The following TXLNB variants were observed in gnomAD, a reference collection of about 807,000 sequenced individuals.
TXLNB encodes taxilin beta, also known as beta-taxilin.
A neutral mutation model predicts 57.4 loss-of-function variants in TXLNB; 37 were observed. That is an observed-to-expected ratio of 0.64 (90% confidence interval 0.50 to 0.85). The LOEUF (loss-of-function observed/expected upper bound fraction) is 0.85. Among genes scored for constraint, TXLNB ranks in the 40% least tolerant of loss-of-function variants. TXLNB has a pLI of 0.00. For synonymous variants in TXLNB, 302 were observed against 309.6 expected (o/e 0.98, Z 0.26); for missense variants, 848 against 825.6 (o/e 1.03, Z -0.33).
At chr6:139,189,288 G>A in the TXLNB span, among the ~76,000 whole-genome samples, 8 of 152,102 alleles carry the variant, frequency 5.3e-5, no homozygotes, top group Non-Finnish European at 1.0e-4. Flanking sequence ...ATTTGCATTA[G>A]TTGAAAGTTC....
chr6:139,212,119 T>C, the TXLNB span, among the ~76,000 whole-genome samples: 214 of 152,108 alleles, frequency 1.4e-3, 1 homozygote, highest in African/African-American at 4.8e-3. Context: ...ATTCAGGAAA[T>C]ACAGAGAACA....
At chr6:139,168,520 T>C in the TXLNB span, among the ~76,000 whole-genome samples, 30 of 152,102 alleles carry the variant, frequency 2.0e-4, no homozygotes, top group African/African-American at 7.0e-4. Flanking sequence ...GTCAGATTTT[T>C]TTTGGAAAAA....
intron 7 of TXLNB, among the ~76,000 whole-genome samples, chr6:139,249,885 G>A (rs936868660): frequency 6.6e-6 from 1 of 152,146 alleles, no homozygotes; most frequent in Non-Finnish European, 1.5e-5. Flanking sequence ...GATTAAAGAA[G>A]ACAGAGTAAA....
chr6:139,192,135 T>A, the TXLNB span, among the ~76,000 whole-genome samples: 1 of 152,232 alleles, frequency 6.6e-6, no homozygotes, highest in Non-Finnish European at 1.5e-5. Flanking sequence ...GTGAAATAAG[T>A]GGAGGCTGAA....
At chr6:139,159,613 G>T in the TXLNB span, among the ~76,000 whole-genome samples, 3 of 152,166 alleles carry the variant, frequency 2.0e-5, no homozygotes, top group African/African-American at 7.2e-5. Flanking sequence ...TGCCTCCCCA[G>T]CAGCTGGGCT....
At chr6:139,165,492 G>GT in the TXLNB span, among the ~76,000 whole-genome samples, 143 of 151,762 alleles carry the variant, frequency 9.4e-4, no homozygotes, top group African/African-American at 3.3e-3. Context: ...ATAATGACGT[G>GT]TATCTGCCAT....
the TXLNB span, among the ~76,000 whole-genome samples, chr6:139,222,165 G>C: frequency 5.3e-5 from 8 of 152,064 alleles, no homozygotes; most frequent in Non-Finnish European, 1.0e-4. Context: ...TGTCAGACTA[G>C]ATAAAGCAAA....
chr6:139,244,895 C>T (rs1257578616), intron 8 of TXLNB, among the ~76,000 whole-genome samples: 1 of 152,162 alleles, frequency 6.6e-6, no homozygotes, highest in Non-Finnish European at 1.5e-5. Flanking sequence ...CTTATTTGCA[C>T]CTGAGCCAAT....
At chr6:139,300,149 A>G in the TXLNB span, among the ~76,000 whole-genome samples, 1 of 152,058 alleles carries the variant, frequency 6.6e-6, no homozygotes, top group African/African-American at 2.4e-5. Context: ...CTAAGGTTGA[A>G]CTTGTGTTGA....
At chr6:139,226,302 CAAAAAAAAAA>C in the TXLNB span, among the ~76,000 whole-genome samples, 1 of 39,248 alleles carries the variant, frequency 2.5e-5, no homozygotes. Flanking sequence ...GACCCTGTCT[CAAAAAAAAAA>C]AAAAAAAAAA....
At chr6:139,175,185 A>T in the TXLNB span, among the ~76,000 whole-genome samples, 1 of 152,236 alleles carries the variant, frequency 6.6e-6, no homozygotes, top group Non-Finnish European at 1.5e-5. Context: ...CAAATAACCT[A>T]TAGAATCACA....
chr6:139,228,484 C>T, the TXLNB span, among the ~76,000 whole-genome samples: 249 of 149,080 alleles, frequency 1.7e-3, 6 homozygotes, highest in South Asian at 0.041. Flanking sequence ...TGAGATCATG[C>T]CACTGCACCC....
intron 5 of TXLNB, among the ~76,000 whole-genome samples, chr6:139,261,695 G>C (rs1299962943): frequency 6.6e-6 from 1 of 151,946 alleles, no homozygotes; most frequent in Non-Finnish European, 1.5e-5. Context: ...CTTAGCTTCT[G>C]CTTCTCATCT....
chr6:139,164,536 T>G, the TXLNB span, among the ~76,000 whole-genome samples: 82,596 of 151,826 alleles, frequency 0.54, 23,355 homozygotes, highest in Non-Finnish European at 0.58. Context: ...GGCGATGTAG[T>G]TTTTAGCTTC....
At chr6:139,296,735 A>G (rs62441204), upstream of TXLNB, among the ~76,000 whole-genome samples, 1,318 of 152,092 alleles carry the variant, frequency 8.7e-3, 5 homozygotes, top group South Asian at 0.03. Context: ...CTTTGTTCTA[A>G]CTGTTCCTTC....
chr6:139,189,758 G>T, the TXLNB span, among the ~76,000 whole-genome samples: 1 of 152,156 alleles, frequency 6.6e-6, no homozygotes, highest in Non-Finnish European at 1.5e-5. Flanking sequence ...AGTTTTATAG[G>T]ATCTATGTCA....
At chr6:139,296,987 T>G (rs563147356), upstream of TXLNB, among the ~76,000 whole-genome samples, 2 of 152,268 alleles carry the variant, frequency 1.3e-5, no homozygotes, top group Admixed American at 6.5e-5. Context: ...GTATCTCCAC[T>G]TGCAGAGTAT....
chr6:139,261,841 T>C (rs1016544683), intron 5 of TXLNB, among the ~76,000 whole-genome samples: 1 of 151,896 alleles, frequency 6.6e-6, no homozygotes, highest in African/African-American at 2.4e-5. Flanking sequence ...ATCATTATTA[T>C]TACAATGATT....
At chr6:139,278,423 C>A (rs1384999113) in intron 2 of TXLNB, among the ~76,000 whole-genome samples, 1 of 152,182 alleles carries the variant, frequency 6.6e-6, no homozygotes, top group East Asian at 1.9e-4. Flanking sequence ...TCCCTCCCAG[C>A]TCTCCAATTA....
Sources: gnomAD v4.1 joint callset for allele counts (sites outside exome capture counted in the v4.1 genomes callset) on GRCh38, gnomAD v4.1.1 for gene constraint, MANE v1.5 for transcripts, NCBI Gene and HGNC (gene_info 2026-07-23, HGNC 2026-07-21) for gene names.